Variants in TRPM3 observed in about 807,000 individuals in gnomAD.
TRPM3 encodes the protein long transient receptor potential channel 3.
A neutral mutation model predicts 181.2 loss-of-function variants in TRPM3; 77 were observed. The ratio of observed to expected loss-of-function variants is 0.42; its 90% CI spans 0.35 to 0.51. The LOEUF (loss-of-function observed/expected upper bound fraction) is 0.51, where lower values mean the gene tolerates loss of function less well. Among genes scored for constraint, TRPM3 ranks in the 20% least tolerant of loss-of-function variants. The pLI, the probability that TRPM3 is intolerant of heterozygous loss-of-function variation, is 0.01. For missense variants in TRPM3, 1,759 were observed against 2,196.7 expected (o/e 0.80, Z 3.98); for synonymous variants, 745 against 796.4 (o/e 0.94, Z 1.09).
At chr9:71,236,439 G>A (rs1455291097) in intron 1 of TRPM3, among the ~76,000 whole-genome samples, 1 of 151,896 alleles carries the variant, frequency 6.6e-6, no homozygotes, top group African/African-American at 2.4e-5. Context: ...ATTTGCAGAA[G>A]GAAATAAAAA....
intron 1 of TRPM3, among the ~76,000 whole-genome samples, chr9:71,308,247 C>T (rs986218092): frequency 1.2e-4 from 19 of 152,012 alleles, no homozygotes; most frequent in African/African-American, 3.9e-4. Flanking sequence ...ATATTCAATA[C>T]AAAAGTATTT....
intron 1 of TRPM3, among the ~76,000 whole-genome samples, chr9:71,042,081 G>C (rs2058891550): frequency 6.6e-6 from 1 of 152,000 alleles, no homozygotes; most frequent in South Asian, 2.1e-4. Flanking sequence ...ATTATTCCCA[G>C]TTTTGGAGCT....
Position 70,620,213 on chromosome 9 carries a change from G to A in TRPM3, c.1992C>T (p.Ala664=). Residue 664 remains alanine, a synonymous_variant, in exon 16 of 26, where the codon GCC becomes GCT. Transcript: ENST00000677713. ...CCTCACCGTGCTGCCAGAAGAACAG[G>A]GCCATCTTCTGCCGCTTCATGAGAA... The part of the protein sequence containing the change: ...WAVLMKRQKM[A]LFFWQHGEEA... 2 of 1,614,242 alleles carry A rather than the reference G, an allele frequency of 1.2e-6. No homozygotes were observed. The highest frequency in any genetic ancestry group is 1.1e-5 in the South Asian group (1 of 91,090).
chr9:70,864,099 A>G (rs77386642), intron 2 of TRPM3, among the ~76,000 whole-genome samples: 2,667 of 152,136 alleles, frequency 0.018, 84 homozygotes, highest in African/African-American at 0.06. Context: ...CCTATTGCAG[A>G]ACGTGTTGGT....
chr9:71,075,372 T>A (rs1591205963), intron 1 of TRPM3, among the ~76,000 whole-genome samples: 1 of 152,216 alleles, frequency 6.6e-6, no homozygotes, highest in East Asian at 1.9e-4. Context: ...CATTTTGTTC[T>A]GTGTTTAAGT....
intron 1 of TRPM3, among the ~76,000 whole-genome samples, chr9:70,977,548 T>G (rs958717240): frequency 2.6e-5 from 4 of 152,204 alleles, no homozygotes; most frequent in African/African-American, 9.6e-5. Context: ...GTAATTCCTT[T>G]CGATTCTGAC....
chr9:71,236,397 T>C (rs1419539596), intron 1 of TRPM3, among the ~76,000 whole-genome samples: 1 of 151,808 alleles, frequency 6.6e-6, no homozygotes, highest in East Asian at 1.9e-4. Context: ...TCTCCCCTCC[T>C]TTCTCCCCAC....
chr9:71,176,583 T>G (rs1362622070), intron 1 of TRPM3, among the ~76,000 whole-genome samples: 1 of 152,050 alleles, frequency 6.6e-6, no homozygotes, highest in Admixed American at 6.6e-5. Context: ...AAATAAAATT[T>G]TATAAATTTA....
rs187186831 is a variant in TRPM3 at position 70,535,235 on chromosome 9, G to A, written c.*718C>T. On this transcript the variant is annotated 3_prime_UTR_variant, in exon 26 of 26. Transcript: ENST00000677713. ...TTAACATCAACTCTTCTTTCATTTC[G>A]ATTGCAATACAAAAAGGCATTTCTG... 4 of 617,354 alleles carry A rather than the reference G, an allele frequency of 6.5e-6. No homozygotes were observed. Among genetic ancestry groups the A allele is most frequent in the Middle Eastern group, 3.8e-4 (1 of 2,606 alleles). 38.2% of individuals were successfully genotyped at this position (617,354 alleles called of 1,614,324 possible).
At chr9:70,678,301 G>A (rs540504203) in intron 9 of TRPM3, among the ~76,000 whole-genome samples, 24 of 151,730 alleles carry the variant, frequency 1.6e-4, no homozygotes, top group African/African-American at 4.6e-4. Flanking sequence ...ACAGTCTTGC[G>A]CTGTTGCCTA....
intron 1 of TRPM3, among the ~76,000 whole-genome samples, chr9:71,085,694 C>T (rs535209283): frequency 6.6e-6 from 1 of 152,004 alleles, no homozygotes; most frequent in Admixed American, 6.6e-5. Context: ...AGTCAACCAA[C>T]AACAGATGCT....
chr9:70,893,321 T>C (rs2096238917), intron 1 of TRPM3, among the ~76,000 whole-genome samples: 1 of 152,188 alleles, frequency 6.6e-6, no homozygotes, highest in African/African-American at 2.4e-5. Context: ...TTCACTTAAA[T>C]GCTCTTAGCC....
chr9:71,428,077 T>C (rs1370069839), intron 1 of TRPM3, among the ~76,000 whole-genome samples: 1 of 151,972 alleles, frequency 6.6e-6, no homozygotes, highest in Non-Finnish European at 1.5e-5. Flanking sequence ...GCCTGTTTTT[T>C]TGTTGTTGTT....
At chr9:70,640,426 G>C (rs1226900436) in intron 10 of TRPM3, 134 bp downstream of exon 10, 1 of 625,966 alleles carries the variant, frequency 1.6e-6, no homozygotes, top group Non-Finnish European at 2.7e-6. Flanking sequence ...TCAGGATACA[G>C]ACTTTGCTAC....
intron 1 of TRPM3, among the ~76,000 whole-genome samples, chr9:70,952,889 T>C (rs2133717634): frequency 6.6e-6 from 1 of 152,276 alleles, no homozygotes; most frequent in Middle Eastern, 3.4e-3. Context: ...AGCGACAAAA[T>C]TGAATTTGAT....
chr9:70,981,489 T>G (rs1016158369), intron 1 of TRPM3, among the ~76,000 whole-genome samples: 3 of 152,130 alleles, frequency 2.0e-5, no homozygotes, highest in Non-Finnish European at 4.4e-5. Context: ...CAGAATGAAT[T>G]GGGAAGTGCC....
intron 1 of TRPM3, among the ~76,000 whole-genome samples, chr9:71,268,495 G>C (rs1388341292): frequency 6.6e-6 from 1 of 152,096 alleles, no homozygotes; most frequent in South Asian, 2.1e-4. Context: ...TCTAATGGAA[G>C]CCTGAATGTC....
intron 1 of TRPM3, among the ~76,000 whole-genome samples, chr9:70,889,022 G>A (rs1397982994): frequency 1.3e-5 from 2 of 152,182 alleles, no homozygotes; most frequent in African/African-American, 4.8e-5. Flanking sequence ...ATGAATGGAT[G>A]GGTAGTAATT....
At position 71,216,998 on chromosome 9, in the gene TRPM3, T is replaced by C. The variant is rs1436994511; in HGVS notation, c.183+229655A>G. ...CGGAGTCTCGCTCTGTCGCCCAGGC[T>C]GGAGTGCAGTGGCGCGATCTCGGCT... On this transcript the variant is annotated intron_variant, in intron 1 of 24. Transcript: ENST00000357533. Among the ~76,000 whole-genome samples the C allele has an allele frequency of 3.3e-3, 403 of 121,516 alleles. 4 individuals are homozygous for C. The highest frequency in any genetic ancestry group is 0.012 in the African/African-American group (390 of 32,294). The allele number at this position is 121,516 out of a possible 152,430, so 79.7% of individuals were successfully genotyped here.
Sources: allele counts gnomAD v4.1 joint callset (sites outside exome capture counted in the v4.1 genomes callset), GRCh38; gene constraint gnomAD v4.1.1; transcripts MANE v1.5; gene names NCBI Gene and HGNC (gene_info 2026-07-23, HGNC 2026-07-21).